Variants in USP32 observed in about 807,000 individuals in gnomAD.
USP32 encodes ubiquitin carboxyl-terminal hydrolase 32.
In USP32, 59 loss-of-function variants were observed where a neutral mutation model predicts 204.8. That is an observed-to-expected ratio of 0.29 (90% CI 0.23 to 0.36). The LOEUF is 0.36. Ranked by LOEUF, USP32 falls within the 10% of genes least tolerant of loss-of-function variation. USP32 has a pLI of 1.00. For missense variants in USP32, 1,160 were observed against 1,946.4 expected, an observed-to-expected ratio of 0.60 and a Z score of 7.60; for synonymous variants, 517 against 678.4, an observed-to-expected ratio of 0.76 and a Z score of 3.70.
intron 5 of USP32, among the ~76,000 whole-genome samples, chr17:60,275,367 G>C (rs918270341): frequency 1.3e-5 from 2 of 152,114 alleles, no homozygotes; most frequent in Admixed American, 1.3e-4. Context: ...TGAGGCAGAA[G>C]AATCGCTTGA....
intron 1 of USP32, among the ~76,000 whole-genome samples, chr17:60,356,535 C>T (rs1237281465): frequency 6.6e-6 from 1 of 152,158 alleles, no homozygotes; most frequent in East Asian, 1.9e-4. Flanking sequence ...AGGTTCAAGG[C>T]ATTTTTAAAA....
rs896583989 is a variant in USP32 at position 60,223,178 on chromosome 17, G to C, written c.1608+233C>G. Among the ~76,000 whole-genome samples the C allele has an allele frequency of 2.0e-5, 3 of 152,062 alleles. No individual in the cohort carries two copies. The South Asian group carries it at 6.2e-4, about 32-fold the overall frequency. On this transcript the variant is annotated intron_variant, in intron 14 of 33. Coordinates refer to ENST00000300896, the MANE Select transcript of USP32 (RefSeq NM_032582.4). Reference sequence around the variant, plus strand: ...TAGCGTATGTGAAACAACATTTTCAGAATAGCTGTCCTAAGTAAGAATAAC... The same window carrying C: ...TAGCGTATGTGAAACAACATTTTCACAATAGCTGTCCTAAGTAAGAATAAC...
In USP32 at chr17:60,222,559, A is replaced by G; in HGVS notation, c.1609-10T>C. On this transcript the variant is annotated splice_polypyrimidine_tract_variant and intron_variant, in intron 14 of 33. Coordinates refer to ENST00000300896, the MANE Select transcript of USP32 (RefSeq NM_032582.4). ...GTGTTAATGATGTAGCCTGAGAAAG[A>G]ATAGAATGACAATGTTGACTTTCAA... The G allele has an allele frequency of 6.2e-7, 1 of 1,611,530 alleles. No individual in the cohort carries two copies. The highest frequency in any genetic ancestry group is 8.5e-7 in the Non-Finnish European group (1 of 1,178,434).
Position 60,179,201 on chromosome 17 carries a change from T to G in USP32, c.*54A>C. 1 of 1,566,430 alleles carries G rather than the reference T, an allele frequency of 6.4e-7. No individual in the cohort carries two copies. ...AGTGACGCTTTTGCCAAATGTCAGC[T>G]ACAAGGAGTCATCTCCCTCACCGCC... On this transcript the variant is annotated 3_prime_UTR_variant, in exon 34 of 34. Transcript: ENST00000300896.
chr17:60,421,763 G>A, intron 1 of USP32: 1 of 882,112 alleles, frequency 1.1e-6, no homozygotes, highest in Non-Finnish European at 1.4e-6. Flanking sequence ...TTCCGCCCTC[G>A]GCCTCGGGTC....
intron 12 of USP32, among the ~76,000 whole-genome samples, chr17:60,235,350 C>T (rs1197590991): frequency 1.3e-5 from 2 of 152,148 alleles, no homozygotes; most frequent in Non-Finnish European, 2.9e-5. Context: ...CTTTTTATTC[C>T]TTCAGAGACA....
At chr17:60,346,681 C>A (rs1472140600) in intron 1 of USP32, among the ~76,000 whole-genome samples, 5 of 152,152 alleles carry the variant, frequency 3.3e-5, no homozygotes, top group African/African-American at 7.2e-5. Context: ...ATTACATGAT[C>A]AGTACCACAA....
rs9895982 is a variant in USP32, at chr17:60,353,341, A to G, written c.59-7733T>C. On this transcript the variant is annotated intron_variant, in intron 1 of 33. Transcript: ENST00000300896. Reference sequence around the variant, plus strand: ...AACGTTATTTCCAATGGGAAATAACATTTCTGTCGTTTAATCATCCAGTCT... The same window carrying G: ...AACGTTATTTCCAATGGGAAATAACGTTTCTGTCGTTTAATCATCCAGTCT... 6.9e-3 allele frequency among the ~76,000 whole-genome samples: 1,054 copies of G among 152,314 alleles called. 13 individuals carry two copies. Among genetic ancestry groups the G allele is most frequent in the African/African-American group, 0.024 (1,012 of 41,564 alleles).
At position 60,185,853 on chromosome 17, in the gene USP32, GGAGTTC is replaced by G. The variant is rs2084237198; in HGVS notation, c.3643-208_3643-203del. 1.9e-5 allele frequency: 10 copies of G among 534,872 alleles called. No individual in the cohort carries two copies. In the South Asian group the frequency reaches 4.2e-4, roughly 23 times the overall value. The allele number at this position is 534,872 out of a possible 1,614,324, so 33.1% of individuals were successfully genotyped here. ...GAGGTGGGGTAATTGCTTGAGTCCA[GGAGTTC>G]GAAACCAGCCTGGTCAAAAGAGTGA... On this transcript the variant is annotated intron_variant, in intron 29 of 33. Coordinates refer to ENST00000300896, the MANE Select transcript of USP32 (RefSeq NM_032582.4).
intron 1 of USP32, among the ~76,000 whole-genome samples, chr17:60,391,595 T>A (rs936549055): frequency 6.6e-6 from 1 of 152,032 alleles, no homozygotes; most frequent in African/African-American, 2.4e-5. Flanking sequence ...GGAGAGGACT[T>A]CCCTGGACAC....
rs953523547 is a variant in USP32 at position 60,219,473 on chromosome 17, G to A, written c.1867+197C>T. On this transcript the variant is annotated intron_variant, in intron 16 of 33. Transcript: ENST00000300896. ...GTGCATGACCATAGTTCTAAGCCCTGTAAAAATTAATTACTGAGTCTGTAG... is the reference window on the plus strand; with the variant it reads ...GTGCATGACCATAGTTCTAAGCCCTATAAAAATTAATTACTGAGTCTGTAG... 5.2e-6 allele frequency: 4 copies of A among 773,400 alleles called. No homozygotes were observed. The African/African-American group carries it at 7.3e-5, about 14-fold the overall frequency. 47.9% of individuals were successfully genotyped at this position (773,400 alleles called of 1,614,324 possible).
chr17:60,392,118 T>A lies in USP32; in HGVS notation c.-179A>T. On this transcript the variant is annotated 5_prime_UTR_variant, in exon 1 of 34. Coordinates refer to ENST00000300896, the MANE Select transcript of USP32 (RefSeq NM_032582.4). ...GCTCCTCCCGGTCGCCGCCACCGCC[T>A]CCATGCCGGATCACGTGACTCTTCC... The A allele has an allele frequency of 5.4e-6, 3 of 554,636 alleles. No individual in the cohort carries two copies. The highest frequency in any genetic ancestry group is 2.2e-5 in the South Asian group (1 of 46,242). The allele number at this position is 554,636 out of a possible 1,614,324, so 34.4% of individuals were successfully genotyped here.
intron 10 of USP32, 132 bp from the exon 11 acceptor site, chr17:60,252,574 T>C: frequency 1.6e-6 from 1 of 623,862 alleles, no homozygotes. Flanking sequence ...ATTATTCACT[T>C]GAGCAAATTT....
At chr17:60,312,925 TA>T (rs1225026576) in intron 2 of USP32, among the ~76,000 whole-genome samples, 2 of 152,106 alleles carry the variant, frequency 1.3e-5, no homozygotes, top group Non-Finnish European at 2.9e-5. Flanking sequence ...TTACTACTGA[TA>T]AAATTTCAAA....
chr17:60,334,137 T>C (rs999377835), intron 2 of USP32, among the ~76,000 whole-genome samples: 2 of 152,188 alleles, frequency 1.3e-5, no homozygotes, highest in African/African-American at 4.8e-5. Flanking sequence ...TTGAGTTTAC[T>C]GTAAAAAAGC....
At chr17:60,303,141 T>C (rs992581054) in intron 2 of USP32, among the ~76,000 whole-genome samples, 5 of 152,086 alleles carry the variant, frequency 3.3e-5, no homozygotes, top group Middle Eastern at 3.2e-3. Context: ...CCAAAGGAAA[T>C]AGCTACAGAA....
intron 12 of USP32, among the ~76,000 whole-genome samples, chr17:60,229,296 G>C (rs1057125184): frequency 6.6e-6 from 1 of 152,086 alleles, no homozygotes; most frequent in Non-Finnish European, 1.5e-5. Context: ...TCCTGCCTTG[G>C]CCTCCCAAAG....
At chr17:60,278,809 T>A (rs913877639) in intron 5 of USP32, among the ~76,000 whole-genome samples, 1 of 152,206 alleles carries the variant, frequency 6.6e-6, no homozygotes, top group South Asian at 2.1e-4. Flanking sequence ...GAGAGGACTA[T>A]TCACGTACTA....
intron 15 of USP32, among the ~76,000 whole-genome samples, chr17:60,220,190 T>C (rs2085208292): frequency 6.6e-6 from 1 of 152,118 alleles, no homozygotes; most frequent in Non-Finnish European, 1.5e-5. Context: ...TCAAAAACTA[T>C]GGAAGTATTC....
Sources: allele counts gnomAD v4.1 joint callset (sites outside exome capture counted in the v4.1 genomes callset), GRCh38; gene constraint gnomAD v4.1.1; transcripts MANE v1.5; gene names NCBI Gene and HGNC (gene_info 2026-07-23, HGNC 2026-07-21).